The following TMEM117 variants were observed in gnomAD, a reference collection of about 807,000 sequenced individuals.
The protein encoded by TMEM117 is transmembrane protein 117.
Under a neutral mutation model 52.4 loss-of-function variants are expected in TMEM117, and 27 were observed. The observed-to-expected ratio is 0.51, with a 90% confidence interval of 0.38 to 0.71. The LOEUF (loss-of-function observed/expected upper bound fraction) is 0.71. TMEM117 is among the 30% of genes least tolerant of loss of function. TMEM117 has a pLI of 0.00. For missense variants in TMEM117, 556 were observed against 630.5 expected (o/e 0.88, Z 1.26); for synonymous variants, 215 against 206.3 (o/e 1.04, Z -0.36).
intron 4 of TMEM117, among the ~76,000 whole-genome samples, chr12:44,180,192 G>C (rs950996585): frequency 1.3e-5 from 2 of 152,074 alleles, no homozygotes; most frequent in African/African-American, 4.8e-5. Flanking sequence ...ATTTATGGTA[G>C]ACAGTGTATC....
intron 3 of TMEM117, among the ~76,000 whole-genome samples, chr12:44,044,513 T>C (rs1025129421): frequency 1.3e-5 from 2 of 152,170 alleles, no homozygotes; most frequent in South Asian, 2.1e-4. Flanking sequence ...ATATACGTGA[T>C]AGGGCTCAAG....
At chr12:44,281,903 T>C (rs1950581210) in intron 5 of TMEM117, among the ~76,000 whole-genome samples, 1 of 152,210 alleles carries the variant, frequency 6.6e-6, no homozygotes, top group South Asian at 2.1e-4. Context: ...ATATTTTGTG[T>C]ATTTCTGTTA....
chr12:44,031,787 T>G (rs1296795199), intron 3 of TMEM117, among the ~76,000 whole-genome samples: 1 of 152,200 alleles, frequency 6.6e-6, no homozygotes, highest in Non-Finnish European at 1.5e-5. Flanking sequence ...TTTATGGCAA[T>G]GTAGTTATTT....
intron 2 of TMEM117, among the ~76,000 whole-genome samples, chr12:43,931,223 C>T (rs1276920752): frequency 6.6e-6 from 1 of 152,172 alleles, no homozygotes; most frequent in Non-Finnish European, 1.5e-5. Flanking sequence ...GGAAGTGGGG[C>T]AAAATTAACC....
At chr12:44,186,674 C>T (rs967967780) in intron 4 of TMEM117, among the ~76,000 whole-genome samples, 1 of 152,056 alleles carries the variant, frequency 6.6e-6, no homozygotes, top group African/African-American at 2.4e-5. Flanking sequence ...CATGGTATAT[C>T]CTGGAAGACT....
chr12:44,152,364 TATATC>T (rs1476795260), intron 4 of TMEM117, among the ~76,000 whole-genome samples: 99 of 110,520 alleles, frequency 9.0e-4, no homozygotes, highest in South Asian at 3.5e-3. Context: ...TTATATGTAT[TATATC>T]ATATATAAAT....
chr12:43,981,521 G>T (rs1945760133), intron 3 of TMEM117, among the ~76,000 whole-genome samples: 1 of 152,174 alleles, frequency 6.6e-6, no homozygotes, highest in African/African-American at 2.4e-5. Context: ...GTAAAGCAAT[G>T]AGTTCCTTAC....
At chr12:44,289,428 G>A (rs1033548090) in intron 5 of TMEM117, among the ~76,000 whole-genome samples, 9 of 151,700 alleles carry the variant, frequency 5.9e-5, no homozygotes, top group Non-Finnish European at 1.0e-4. Context: ...TTGCTGGATT[G>A]TATAGTAGTT....
chr12:44,331,240 TTAG>T (rs1951267260), intron 6 of TMEM117, among the ~76,000 whole-genome samples: 1 of 151,900 alleles, frequency 6.6e-6, no homozygotes, highest in Non-Finnish European at 1.5e-5. Flanking sequence ...GTGAGCCACC[TTAG>T]TAGTACTATT....
rs755027648 is a variant in TMEM117 at position 44,388,763 on chromosome 12, G to A, written c.*91G>A. 2.0e-5 allele frequency: 28 copies of A among 1,370,944 alleles called. No individual in the cohort carries two copies. The highest frequency in any genetic ancestry group is 8.8e-5 in the African/African-American group (6 of 68,568). 84.9% of individuals were successfully genotyped at this position (1,370,944 alleles called of 1,614,324 possible). On this transcript the variant is annotated 3_prime_UTR_variant, in exon 8 of 8. Coordinates refer to ENST00000266534, the MANE Select transcript of TMEM117 (RefSeq NM_032256.3). ...TTCCTTTTGTATATGTAAGGTTTAC[G>A]TAGTGTTAGGTAAAAATATGAACAA...
chr12:44,056,403 C>T (rs2137940801), intron 3 of TMEM117, among the ~76,000 whole-genome samples: 2 of 152,204 alleles, frequency 1.3e-5, no homozygotes, highest in South Asian at 4.2e-4. Context: ...GAAAGGTGCT[C>T]CCAATAAAAA....
intron 5 of TMEM117, among the ~76,000 whole-genome samples, chr12:44,272,568 C>A (rs576400131): frequency 6.6e-6 from 1 of 152,130 alleles, no homozygotes; most frequent in South Asian, 2.1e-4. Flanking sequence ...AGGATATGAA[C>A]AAGACACTTC....
intron 6 of TMEM117, among the ~76,000 whole-genome samples, chr12:44,312,990 A>G (rs149534577): frequency 1.1e-4 from 17 of 152,216 alleles, no homozygotes; most frequent in African/African-American, 3.4e-4. Context: ...TTGTTTAAGT[A>G]TATTACAGAT....
At chr12:43,967,463 GCTCTTTCTTGCCCTCTCT>G (rs1265173682) in intron 3 of TMEM117, among the ~76,000 whole-genome samples, 4 of 152,130 alleles carry the variant, frequency 2.6e-5, no homozygotes, top group Non-Finnish European at 5.9e-5. Context: ...TGTCTTGCAT[GCTCTTTCTTGCCCTCTCT>G]CTGGGAGCCC....
intron 6 of TMEM117, among the ~76,000 whole-genome samples, chr12:44,368,165 G>A (rs1348312486): frequency 6.6e-6 from 1 of 152,006 alleles, no homozygotes; most frequent in Non-Finnish European, 1.5e-5. Context: ...CCACACAAAG[G>A]TCATCTTCAG....
At chr12:44,089,343 A>G (rs1755043222) in intron 3 of TMEM117, among the ~76,000 whole-genome samples, 1 of 152,242 alleles carries the variant, frequency 6.6e-6, no homozygotes, top group African/African-American at 2.4e-5. Flanking sequence ...TGTTTTACTT[A>G]GCTGCTAAAA....
chr12:44,317,270 CCT>C (rs1286968786), intron 6 of TMEM117, among the ~76,000 whole-genome samples: 1 of 145,260 alleles, frequency 6.9e-6, no homozygotes, highest in African/African-American at 2.6e-5. Flanking sequence ...AGGATTTTCC[CCT>C]TTCTTTCCCT....
rs182293669 is a variant in TMEM117, at chr12:44,370,390, A to G, written c.769-6205A>G. Among the ~76,000 whole-genome samples the G allele has an allele frequency of 2.0e-5, 3 of 152,324 alleles. No homozygotes were observed. The East Asian group carries it at 5.8e-4, about 29-fold the overall frequency. ...AAAAATAAGACAACCAATTTTTAAT[A>G]ATAATTAATGTAAGATGATGTATAA... On this transcript the variant is annotated intron_variant, in intron 6 of 7. Coordinates refer to ENST00000266534, the MANE Select transcript of TMEM117 (RefSeq NM_032256.3).
At chr12:44,041,548 G>A (rs184643082) in intron 3 of TMEM117, among the ~76,000 whole-genome samples, 12 of 152,024 alleles carry the variant, frequency 7.9e-5, no homozygotes, top group African/African-American at 2.7e-4. Flanking sequence ...CCGCATCTGG[G>A]GTTTGGTATA....
Sources: gnomAD v4.1 joint callset for allele counts (sites outside exome capture counted in the v4.1 genomes callset) on GRCh38, gnomAD v4.1.1 for gene constraint, MANE v1.5 for transcripts, NCBI Gene and HGNC (gene_info 2026-07-23, HGNC 2026-07-21) for gene names.